Variants in ARHGAP26 observed in about 807,000 individuals in gnomAD.
The protein encoded by ARHGAP26 is rho GTPase-activating protein 26.
Under a neutral mutation model 104.8 loss-of-function variants are expected in ARHGAP26, and 38 were observed. The ratio of observed to expected loss-of-function variants is 0.36; its 90% CI spans 0.28 to 0.48. The LOEUF (loss-of-function observed/expected upper bound fraction) is 0.48. ARHGAP26 is among the 20% of genes least tolerant of loss of function. ARHGAP26 has a pLI of 0.99. For missense variants in ARHGAP26, 704 were observed against 947.9 expected, an observed-to-expected ratio of 0.74 and a Z score of 3.38; for synonymous variants, 341 against 340.0, an observed-to-expected ratio of 1.00 and a Z score of -0.03.
chr5:143,178,439 A>G (rs144661932), intron 20 of ARHGAP26, among the ~76,000 whole-genome samples: 4 of 152,340 alleles, frequency 2.6e-5, no homozygotes, highest in African/African-American at 9.6e-5. Context: ...TGCAAGAAAC[A>G]TAGAAAGATG....
At chr5:143,152,162 A>G (rs1444585404) in intron 20 of ARHGAP26, among the ~76,000 whole-genome samples, 1 of 152,196 alleles carries the variant, frequency 6.6e-6, no homozygotes, top group African/African-American at 2.4e-5. Context: ...GATATACACA[A>G]GACATTATGC....
chr5:143,028,364 T>C (rs190558909), intron 12 of ARHGAP26, among the ~76,000 whole-genome samples: 1 of 152,338 alleles, frequency 6.6e-6, no homozygotes, highest in East Asian at 1.9e-4. Flanking sequence ...TTTATTAATT[T>C]ATTTTATAAA....
Position 142,770,461 on chromosome 5 carries a change from C to T in ARHGAP26, c.-301C>T, listed in dbSNP as rs1257212681. 2.6e-5 allele frequency: 5 copies of T among 192,462 alleles called. No homozygotes were observed. The highest frequency in any genetic ancestry group is 1.6e-4 in the East Asian group (2 of 12,542). 11.9% of individuals were successfully genotyped at this position (192,462 alleles called of 1,614,324 possible). A position where few individuals can be genotyped will look rare whatever the true frequency, so the allele number is the denominator to read the frequency against. On this transcript the variant is annotated 5_prime_UTR_variant, in exon 1 of 23. Coordinates refer to ENST00000645722, the MANE Select transcript of ARHGAP26 (RefSeq NM_001135608.3). ...GCTAGCGAAGGAGGCGGGGAGGCGG[C>T]GTCTGCACTCGCTCGCCCGCTCGCT...
At chr5:143,102,393 C>T (rs920976849) in intron 17 of ARHGAP26, among the ~76,000 whole-genome samples, 9 of 152,172 alleles carry the variant, frequency 5.9e-5, no homozygotes, top group East Asian at 1.9e-4. Flanking sequence ...ACCTCAGTGT[C>T]GGCCCCAAAC....
At chr5:143,085,345 A>C (rs1227908343) in intron 17 of ARHGAP26, among the ~76,000 whole-genome samples, 3 of 152,156 alleles carry the variant, frequency 2.0e-5, no homozygotes. Context: ...GAGGCAGAGC[A>C]TAGGGTCTCT....
intron 11 of ARHGAP26, among the ~76,000 whole-genome samples, chr5:142,947,659 T>G (rs556214298): frequency 3.9e-5 from 6 of 152,196 alleles, no homozygotes; most frequent in African/African-American, 1.4e-4. Flanking sequence ...AGGCAATAAA[T>G]TGAGTGGTTT....
chr5:142,876,951 C>A (rs1756211486), intron 3 of ARHGAP26, among the ~76,000 whole-genome samples: 2 of 151,722 alleles, frequency 1.3e-5, no homozygotes, highest in Admixed American at 1.3e-4. Flanking sequence ...TGGGTGGAAG[C>A]AAGGGAAAGC....
chr5:142,830,857 A>G (rs972723124), intron 1 of ARHGAP26, among the ~76,000 whole-genome samples: 1 of 152,164 alleles, frequency 6.6e-6, no homozygotes, highest in Non-Finnish European at 1.5e-5. Context: ...TTTCCTTGAT[A>G]TCTGATTCCA....
chr5:143,031,862 A>AT (rs1484015382), intron 12 of ARHGAP26, among the ~76,000 whole-genome samples: 2 of 151,926 alleles, frequency 1.3e-5, no homozygotes, highest in African/African-American at 4.8e-5. Flanking sequence ...AAATCATTTG[A>AT]TTGTACCTTA....
At chr5:143,179,182 C>A (rs1803943288) in intron 20 of ARHGAP26, among the ~76,000 whole-genome samples, 1 of 152,166 alleles carries the variant, frequency 6.6e-6, no homozygotes, top group South Asian at 2.1e-4. Flanking sequence ...TATCATGTAT[C>A]ATGATAAATA....
intron 12 of ARHGAP26, among the ~76,000 whole-genome samples, chr5:143,027,348 CTTT>C (rs34130538): frequency 1.5e-5 from 2 of 133,322 alleles, no homozygotes; most frequent in Non-Finnish European, 1.6e-5. Flanking sequence ...ATTTTTTTTT[CTTT>C]TTTTTTTTTT....
At position 142,786,719 on chromosome 5, in the gene ARHGAP26, T is replaced by C. The variant is rs560066673; in HGVS notation, c.154+15804T>C. 4.6e-3 allele frequency among the ~76,000 whole-genome samples: 674 copies of C among 146,854 alleles called. 4 individuals carry two copies. The highest frequency in any genetic ancestry group is 0.016 in the African/African-American group (646 of 39,922). ...CTCTATGCAGTGGCATGATCTTGGCTCACTGCAACCTCCGCCTCCCGGGCT... is the reference window on the plus strand; with the variant it reads ...CTCTATGCAGTGGCATGATCTTGGCCCACTGCAACCTCCGCCTCCCGGGCT... On this transcript the variant is annotated intron_variant, in intron 1 of 22. Transcript: ENST00000645722.
intron 1 of ARHGAP26, among the ~76,000 whole-genome samples, chr5:142,785,579 G>A (rs1167081785): frequency 3.3e-5 from 5 of 152,144 alleles, no homozygotes; most frequent in Non-Finnish European, 7.4e-5. Flanking sequence ...GTAGGTAGAT[G>A]CATTCCTTCA....
chr5:143,080,586 A>G (rs1789655950), intron 17 of ARHGAP26, among the ~76,000 whole-genome samples: 1 of 152,218 alleles, frequency 6.6e-6, no homozygotes, highest in African/African-American at 2.4e-5. Context: ...AAACCCTGGG[A>G]AAGGCACCTG....
At chr5:143,050,737 C>T (rs1371709303) in intron 14 of ARHGAP26, among the ~76,000 whole-genome samples, 1 of 152,104 alleles carries the variant, frequency 6.6e-6, no homozygotes, top group Admixed American at 6.6e-5. Flanking sequence ...TTTTGTCTAC[C>T]AGTGAAGGGT....
intron 17 of ARHGAP26, among the ~76,000 whole-genome samples, chr5:143,101,881 T>C (rs1793290894): frequency 1.3e-5 from 2 of 150,994 alleles, no homozygotes; most frequent in African/African-American, 4.9e-5. Flanking sequence ...TCTTCCATAA[T>C]GGCTTAGAGT....
At chr5:142,936,688 G>T (rs1198511346) in intron 11 of ARHGAP26, among the ~76,000 whole-genome samples, 2 of 152,118 alleles carry the variant, frequency 1.3e-5, no homozygotes, top group African/African-American at 4.8e-5. Flanking sequence ...TAGATCAATG[G>T]AACAGAATAA....
chr5:143,103,216 C>T (rs2150636489), intron 17 of ARHGAP26: 1 of 984,942 alleles, frequency 1.0e-6, no homozygotes, highest in Non-Finnish European at 1.2e-6. Context: ...CCTTAAAAGT[C>T]ACTGGATCAG....
chr5:142,781,035 G>A (rs1757388066), intron 1 of ARHGAP26, among the ~76,000 whole-genome samples: 1 of 152,212 alleles, frequency 6.6e-6, no homozygotes, highest in African/African-American at 2.4e-5. Flanking sequence ...CATGAAGCAG[G>A]CACAGTCCTT....
Sources: gnomAD v4.1 joint callset for allele counts (sites outside exome capture counted in the v4.1 genomes callset) on GRCh38, gnomAD v4.1.1 for gene constraint, MANE v1.5 for transcripts, NCBI Gene and HGNC (gene_info 2026-07-23, HGNC 2026-07-21) for gene names.